The following TBC1D12 variants were observed in gnomAD, a reference collection of about 807,000 sequenced individuals.
TBC1D12 encodes the protein TBC1 domain family member 12.
In TBC1D12, 56 loss-of-function variants were observed where a neutral mutation model predicts 86.7. The ratio of observed to expected loss-of-function variants is 0.65; its 90% CI spans 0.52 to 0.81. The LOEUF is 0.81. Among genes scored for constraint, TBC1D12 ranks in the 30% least tolerant of loss-of-function variants. The probability of loss-of-function intolerance (pLI) is 0.00; values close to 1 mark genes in which losing one functional copy is unlikely to be tolerated. For missense variants in TBC1D12, 1,023 were observed against 1,038.8 expected (o/e 0.98, Z 0.21); for synonymous variants, 421 against 411.7 (o/e 1.02, Z -0.27).
chr10:94,458,044 T>C (rs2055654742), intron 2 of TBC1D12, among the ~76,000 whole-genome samples: 1 of 152,184 alleles, frequency 6.6e-6, no homozygotes, highest in African/African-American at 2.4e-5. Context: ...TGTTATTATT[T>C]TGAGTAAACT....
intron 3 of TBC1D12, among the ~76,000 whole-genome samples, chr10:94,488,489 C>G (rs1363505093): frequency 7.3e-6 from 1 of 137,164 alleles, no homozygotes; most frequent in African/African-American, 2.7e-5. Context: ...CTCCTGGGTT[C>G]AAGCAATTCT....
intron 3 of TBC1D12, among the ~76,000 whole-genome samples, chr10:94,486,834 A>G (rs75316914): frequency 0.022 from 3,345 of 152,304 alleles, 126 homozygotes; most frequent in African/African-American, 0.074. Context: ...TGTTTGTTCT[A>G]TAGAGCAAAT....
chr10:94,479,364 A>G (rs2056043762), intron 3 of TBC1D12, among the ~76,000 whole-genome samples: 1 of 152,176 alleles, frequency 6.6e-6, no homozygotes, highest in South Asian at 2.1e-4. Context: ...AAGTATTAAC[A>G]TAATGAAAAG....
intron 1 of TBC1D12, 28 bp from the exon 2 acceptor site, chr10:94,441,868 C>T: frequency 6.3e-7 from 1 of 1,598,642 alleles, no homozygotes; most frequent in Non-Finnish European, 8.5e-7. Context: ...ACAAAAAACA[C>T]AATTCATGTA....
intron 3 of TBC1D12, among the ~76,000 whole-genome samples, chr10:94,475,471 C>A (rs1423955648): frequency 6.6e-6 from 1 of 152,120 alleles, no homozygotes; most frequent in African/African-American, 2.4e-5. Flanking sequence ...TGCTCAGTCA[C>A]CCAGGCTGGA....
chr10:94,500,290 G>C lies in TBC1D12; in HGVS notation c.1482G>C (p.Trp494Cys), dbSNP rs959941418. ...GLPPSVRGKV[W>C]SLAVGNELNI... ...CCCCTAGTGTCCGTGGGAAAGTTTG[G>C]AGTCTAGCTGTAGGAAATGAACTAA... The change falls in exon 6 of 13, where the codon TGG (tryptophan) becomes TGC (cysteine). Residue 494 changes from tryptophan (W) to cysteine (C), a missense_variant. Physicochemically the swap from Trp to Cys is radical, Grantham distance 215 (BLOSUM62 -2). Coordinates refer to ENST00000225235, the MANE Select transcript of TBC1D12 (RefSeq NM_015188.2). 1 of 1,613,980 alleles carries C rather than the reference G, an allele frequency of 6.2e-7. No homozygotes were observed. The highest frequency in any genetic ancestry group is 8.5e-7 in the Non-Finnish European group (1 of 1,179,950).
chr10:94,469,873 A>T (rs1276496203), intron 2 of TBC1D12, among the ~76,000 whole-genome samples: 1 of 152,164 alleles, frequency 6.6e-6, no homozygotes, highest in Non-Finnish European at 1.5e-5. Context: ...CCTGATGTTC[A>T]GTATTGCCTC....
intron 1 of TBC1D12, among the ~76,000 whole-genome samples, chr10:94,414,493 G>T (rs922618487): frequency 6.6e-6 from 1 of 151,904 alleles, no homozygotes; most frequent in Admixed American, 6.6e-5. Context: ...CAGTGCCTTT[G>T]TGGATGTTTC....
intron 3 of TBC1D12, among the ~76,000 whole-genome samples, chr10:94,476,181 G>A (rs893801790): frequency 2.1e-4 from 32 of 151,492 alleles, no homozygotes; most frequent in African/African-American, 7.3e-4. Flanking sequence ...TTCCTGATCT[G>A]GACCTTTTTC....
At position 94,522,433 on chromosome 10, in the gene TBC1D12, A is replaced by G; in HGVS notation, c.1980A>G (p.Pro660=). Residue 660 remains proline (P), a synonymous_variant, in exon 11 of 13, where the codon CCA becomes CCG. Transcript: ENST00000225235. Reference sequence around the variant, plus strand: ...ACTTCAAATCTTACAGTCTTACACCAGATATATACTTGATAGACTGGTAAG... The same window carrying G: ...ACTTCAAATCTTACAGTCTTACACCGGATATATACTTGATAGACTGGTAAG... ...FLHFKSYSLT[P]DIYLIDWIFT... 7.3e-7 allele frequency: 1 copy of G among 1,362,606 alleles called. No individual in the cohort carries two copies. The highest frequency in any genetic ancestry group is 1.0e-6 in the Non-Finnish European group (1 of 988,488). 84.4% of individuals were successfully genotyped at this position (1,362,606 alleles called of 1,614,324 possible).
chr10:94,521,221 C>CAAAAAAAAAAAAAA (rs1294257279), intron 9 of TBC1D12, among the ~76,000 whole-genome samples: 8 of 48,530 alleles, frequency 1.6e-4, no homozygotes, highest in Non-Finnish European at 2.3e-4. Flanking sequence ...AAAAAGAAAC[C>CAAAAAAAAAAAAAA]AAAAAAAAAA....
chr10:94,455,828 T>C (rs533495335), intron 2 of TBC1D12, among the ~76,000 whole-genome samples: 2 of 152,098 alleles, frequency 1.3e-5, no homozygotes, highest in Admixed American at 6.5e-5. Flanking sequence ...CATGGTGGCA[T>C]GCGCCTGTAG....
chr10:94,457,127 G>A (rs1298462761), intron 2 of TBC1D12, among the ~76,000 whole-genome samples: 1 of 152,122 alleles, frequency 6.6e-6, no homozygotes, highest in Non-Finnish European at 1.5e-5. Flanking sequence ...CAGGATACAT[G>A]TGCTGACCTT....
At chr10:94,519,458 G>A (rs1482711167) in intron 9 of TBC1D12, among the ~76,000 whole-genome samples, 1 of 152,152 alleles carries the variant, frequency 6.6e-6, no homozygotes, top group Non-Finnish European at 1.5e-5. Context: ...TTGGGAGGCT[G>A]AGGTGGGAAG....
chr10:94,445,636 T>C (rs980713810), intron 2 of TBC1D12, among the ~76,000 whole-genome samples: 1 of 152,156 alleles, frequency 6.6e-6, no homozygotes, highest in Non-Finnish European at 1.5e-5. Context: ...ATTTTTCTTC[T>C]GACCTTTTTC....
chr10:94,502,488 T>C (rs1175905228), intron 6 of TBC1D12, among the ~76,000 whole-genome samples: 1 of 152,044 alleles, frequency 6.6e-6, no homozygotes, highest in Non-Finnish European at 1.5e-5. Flanking sequence ...ATAGGTCTCT[T>C]GAGCCCAGGA....
intron 7 of TBC1D12, chr10:94,508,565 G>A (rs1037607637): frequency 6.6e-6 from 1 of 151,564 alleles, no homozygotes; most frequent in Admixed American, 6.6e-5. Context: ...TGTGTAATGG[G>A]CTTTTAATTT....
At chr10:94,492,388 A>G (rs1313610793) in intron 3 of TBC1D12, among the ~76,000 whole-genome samples, 1 of 152,182 alleles carries the variant, frequency 6.6e-6, no homozygotes, top group African/African-American at 2.4e-5. Context: ...GTTTATTGTA[A>G]AGGTATATCC....
chr10:94,521,078 G>T (rs1842139011), intron 9 of TBC1D12, among the ~76,000 whole-genome samples: 1 of 151,526 alleles, frequency 6.6e-6, no homozygotes, highest in Admixed American at 6.6e-5. Context: ...AGGCGTGGTG[G>T]TACACACCCA....
Sources: gnomAD v4.1 joint callset for allele counts (sites outside exome capture counted in the v4.1 genomes callset) on GRCh38, gnomAD v4.1.1 for gene constraint, MANE v1.5 for transcripts, NCBI Gene and HGNC (gene_info 2026-07-23, HGNC 2026-07-21) for gene names.